Variants in TBC1D22A observed in about 807,000 individuals in gnomAD.
TBC1D22A encodes the protein putative GTPase activator.
TBC1D22A carries 38 observed loss-of-function variants against 60.2 expected under a neutral mutation model. That is an observed-to-expected ratio of 0.63 (90% CI 0.49 to 0.83). The LOEUF (loss-of-function observed/expected upper bound fraction) is 0.83, where lower values mean the gene tolerates loss of function less well. TBC1D22A is among the 40% of genes least tolerant of loss of function. The pLI, the probability that TBC1D22A is intolerant of heterozygous loss-of-function variation, is 0.00. For missense variants in TBC1D22A, 628 were observed against 701.0 expected (o/e 0.90, Z 1.18); for synonymous variants, 302 against 281.7 (o/e 1.07, Z -0.72).
intron 8 of TBC1D22A, among the ~76,000 whole-genome samples, chr22:46,947,690 G>A (rs950322272): frequency 1.3e-5 from 2 of 152,076 alleles, no homozygotes; most frequent in East Asian, 1.9e-4. Context: ...TCTCCCTCCT[G>A]TCTCCCTCCC....
Position 46,843,651 on chromosome 22 carries a change from A to G in TBC1D22A, c.638-35002A>G, listed in dbSNP as rs181541049. On this transcript the variant is annotated intron_variant, in intron 4 of 12. Transcript: ENST00000337137. ...TCTGGGGTTTTTCAATAGAGGGGCC[A>G]TATTGTTTATCATCTGTTTTGGGGG... Among the ~76,000 whole-genome samples, 44 of 152,138 alleles carry G rather than the reference A, an allele frequency of 2.9e-4. No homozygotes were observed. The East Asian group carries it at 6.9e-3, about 24-fold the overall frequency.
At chr22:47,138,545 C>T (rs1005838094) in intron 12 of TBC1D22A, among the ~76,000 whole-genome samples, 10 of 152,214 alleles carry the variant, frequency 6.6e-5, no homozygotes, top group African/African-American at 2.2e-4. Flanking sequence ...CTTGCCTCTT[C>T]CCTCCCCTGA....
chr22:47,148,940 C>A (rs1382515928), intron 12 of TBC1D22A, among the ~76,000 whole-genome samples: 1 of 152,094 alleles, frequency 6.6e-6, no homozygotes, highest in Admixed American at 6.5e-5. Context: ...TTCTAGGGGG[C>A]CACGGCTTCC....
intron 12 of TBC1D22A, among the ~76,000 whole-genome samples, chr22:47,124,255 G>A (rs1455349639): frequency 6.6e-6 from 1 of 152,214 alleles, no homozygotes; most frequent in Non-Finnish European, 1.5e-5. Flanking sequence ...TTGGGGATGG[G>A]GTGGTGATGT....
At chr22:47,101,347 G>A (rs1350783867) in intron 11 of TBC1D22A, among the ~76,000 whole-genome samples, 3 of 152,210 alleles carry the variant, frequency 2.0e-5, no homozygotes, top group African/African-American at 7.2e-5. Context: ...GGACAGGCTT[G>A]GGGCATTGTT....
chr22:46,925,765 A>C (rs2071014200), intron 8 of TBC1D22A, among the ~76,000 whole-genome samples: 1 of 152,254 alleles, frequency 6.6e-6, no homozygotes, highest in Non-Finnish European at 1.5e-5. Context: ...TAGAAAAATG[A>C]GACAAATCAG....
chr22:46,952,043 A>C (rs571554773), intron 8 of TBC1D22A, among the ~76,000 whole-genome samples: 1 of 152,348 alleles, frequency 6.6e-6, no homozygotes, highest in South Asian at 2.1e-4. Context: ...TGAGCCCCAC[A>C]GCACAGGGCA....
At chr22:46,853,176 T>A (rs2087375777) in intron 4 of TBC1D22A, among the ~76,000 whole-genome samples, 1 of 152,130 alleles carries the variant, frequency 6.6e-6, no homozygotes, top group Non-Finnish European at 1.5e-5. Context: ...CATTTGCCCC[T>A]CTCTGCCTTC....
chr22:47,139,161 T>C (rs2066989000), intron 12 of TBC1D22A, among the ~76,000 whole-genome samples: 1 of 152,142 alleles, frequency 6.6e-6, no homozygotes, highest in Admixed American at 6.5e-5. Context: ...TCATGTGCTT[T>C]ATTGCTTTGT....
At chr22:46,867,781 C>T (rs1249675307) in intron 4 of TBC1D22A, among the ~76,000 whole-genome samples, 1 of 152,204 alleles carries the variant, frequency 6.6e-6, no homozygotes, top group African/African-American at 2.4e-5. Context: ...CAAGAAATCA[C>T]GTCAATTGAC....
intron 11 of TBC1D22A, among the ~76,000 whole-genome samples, chr22:47,055,449 G>A (rs2063360634): frequency 6.6e-6 from 1 of 152,216 alleles, no homozygotes; most frequent in African/African-American, 2.4e-5. Flanking sequence ...AGTTTACTGT[G>A]TTAATACACA....
At chr22:47,120,379 C>T (rs1289511680) in intron 12 of TBC1D22A, among the ~76,000 whole-genome samples, 1 of 152,192 alleles carries the variant, frequency 6.6e-6, no homozygotes, top group African/African-American at 2.4e-5. Context: ...AACAAATGTT[C>T]AGCGAAGGCT....
chr22:46,848,501 C>T (rs184705620), intron 4 of TBC1D22A, among the ~76,000 whole-genome samples: 1 of 152,218 alleles, frequency 6.6e-6, no homozygotes, highest in Admixed American at 6.5e-5. Context: ...GTATGGTTCT[C>T]TAAGCCGAGG....
intron 11 of TBC1D22A, among the ~76,000 whole-genome samples, chr22:47,077,473 C>A (rs894648895): frequency 2.0e-5 from 3 of 152,224 alleles, no homozygotes; most frequent in African/African-American, 7.2e-5. Flanking sequence ...GTAGCAAGCC[C>A]TCCCGCCCTA....
chr22:47,137,611 C>G (rs935236702), intron 12 of TBC1D22A, among the ~76,000 whole-genome samples: 1 of 152,256 alleles, frequency 6.6e-6, no homozygotes, highest in African/African-American at 2.4e-5. Context: ...CTAGCAGCCT[C>G]TCCACCACTG....
intron 8 of TBC1D22A, among the ~76,000 whole-genome samples, chr22:46,923,708 A>G (rs1032127322): frequency 2.0e-5 from 3 of 152,168 alleles, no homozygotes; most frequent in African/African-American, 7.2e-5. Context: ...TATTTCCTCT[A>G]AGTCTTGTTT....
At chr22:46,812,061 G>A (rs1004317416) in intron 4 of TBC1D22A, among the ~76,000 whole-genome samples, 2 of 152,182 alleles carry the variant, frequency 1.3e-5, no homozygotes, top group East Asian at 3.9e-4. Context: ...AGTCCCAGAA[G>A]GTTTTGGGCA....
intron 1 of TBC1D22A, chr22:46,789,332 A>C: frequency 2.2e-6 from 1 of 445,754 alleles, no homozygotes; most frequent in Non-Finnish European, 4.6e-6. Context: ...TCACTGTGTT[A>C]TCCAGGATGG....
At chr22:47,157,131 G>A (rs1032176579) in intron 12 of TBC1D22A, among the ~76,000 whole-genome samples, 12 of 152,208 alleles carry the variant, frequency 7.9e-5, no homozygotes, top group African/African-American at 2.4e-4. Context: ...GGGGTGATTC[G>A]TCTCCTTGCA....
Sources: allele counts gnomAD v4.1 joint callset (sites outside exome capture counted in the v4.1 genomes callset), GRCh38; gene constraint gnomAD v4.1.1; transcripts MANE v1.5; gene names NCBI Gene and HGNC (gene_info 2026-07-23, HGNC 2026-07-21).